The following CLIP1 variants were observed in gnomAD, a reference collection of about 807,000 sequenced individuals.
CLIP1 encodes the protein CAP-Gly domain-containing linker protein 1.
CLIP1 carries 66 observed loss-of-function variants against 161.6 expected under a neutral mutation model. That is an observed-to-expected ratio of 0.41 (90% CI 0.33 to 0.50). The LOEUF (loss-of-function observed/expected upper bound fraction) is 0.50, where lower values mean the gene tolerates loss of function less well. Ranked by LOEUF, CLIP1 falls within the 20% of genes least tolerant of loss-of-function variation. The pLI is 0.27. For synonymous variants in CLIP1, 598 were observed against 626.2 expected (o/e 0.96, Z 0.67); for missense variants, 1,376 against 1,702.0 (o/e 0.81, Z 3.37).
At chr12:122,363,486 G>T (rs1388381848) in intron 4 of CLIP1, among the ~76,000 whole-genome samples, 5 of 149,386 alleles carry the variant, frequency 3.3e-5, no homozygotes, top group African/African-American at 1.2e-4. Flanking sequence ...ACAGACAGAG[G>T]CCCTGTCTCA....
Position 122,391,850 on chromosome 12 carries a change from C to G in CLIP1, c.-106-11292G>C, listed in dbSNP as rs137904738. Among the ~76,000 whole-genome samples the G allele has an allele frequency of 2.3e-3, 354 of 152,310 alleles. 1 individual carries two copies. Among genetic ancestry groups the G allele is most frequent in the African/African-American group, 8.3e-3 (346 of 41,568 alleles). On this transcript the variant is annotated intron_variant, in intron 1 of 25. Transcript: ENST00000620786. ...GTTGGAACACCATTTGAATGCACCA[C>G]CACCAGTCCATACAAGAATCACAAA...
chr12:122,366,787 G>C (rs1027214233), intron 3 of CLIP1, among the ~76,000 whole-genome samples: 10 of 152,310 alleles, frequency 6.6e-5, no homozygotes, highest in African/African-American at 2.2e-4. Context: ...GTTGCAGTGA[G>C]CCAAGACTGT....
At chr12:122,382,924 TCA>T (rs1245524644) in intron 1 of CLIP1, among the ~76,000 whole-genome samples, 1 of 152,084 alleles carries the variant, frequency 6.6e-6, no homozygotes, top group East Asian at 1.9e-4. Flanking sequence ...TAGTTCTGAT[TCA>T]CAGTCAGGTT....
intron 5 of CLIP1, among the ~76,000 whole-genome samples, chr12:122,357,881 G>A (rs1475332718): frequency 4.0e-5 from 6 of 151,120 alleles, no homozygotes; most frequent in Admixed American, 1.3e-4. Flanking sequence ...CTGCTCGGCC[G>A]CCCCTACTGG....
At chr12:122,400,466 C>A (rs1956103763) in intron 1 of CLIP1, 1 of 152,184 alleles carries the variant, frequency 6.6e-6, no homozygotes, top group Admixed American at 6.5e-5. Flanking sequence ...TAGAGCCAGG[C>A]CCCATACGCT....
chr12:122,288,254 G>A (rs1440855478), intron 21 of CLIP1, among the ~76,000 whole-genome samples: 6 of 152,022 alleles, frequency 3.9e-5, no homozygotes, highest in Admixed American at 1.3e-4. Flanking sequence ...GGCTGGTGTC[G>A]AACTCGTGAT....
chr12:122,290,823 T>C lies in CLIP1; in HGVS notation c.3595-2282A>G, dbSNP rs188730990. Among the ~76,000 whole-genome samples, 326 of 152,122 alleles carry C rather than the reference T, an allele frequency of 2.1e-3. 4 individuals are homozygous for C. Among genetic ancestry groups the C allele is most frequent in the African/African-American group, 7.5e-3 (311 of 41,556 alleles). On this transcript the variant is annotated intron_variant, in intron 20 of 25. Coordinates refer to ENST00000620786, the MANE Select transcript of CLIP1 (RefSeq NM_001247997.2). ...CAGGATTATTACCCAATCTAGGAGA[T>C]AGCAAGCTGCATCTAGCAGTTTTAT...
intron 1 of CLIP1, among the ~76,000 whole-genome samples, chr12:122,392,144 G>A (rs775248664): frequency 2.0e-5 from 3 of 152,066 alleles, no homozygotes; most frequent in Non-Finnish European, 4.4e-5. Flanking sequence ...GGTGGATCAC[G>A]CCTATAGAGC....
chr12:122,319,490 C>A, intron 17 of CLIP1, 142 bp from the exon 18 acceptor site: 1 of 633,382 alleles, frequency 1.6e-6, no homozygotes, highest in East Asian at 2.7e-5. Context: ...AGTCACAATC[C>A]AGTGCTGAAA....
At chr12:122,343,687 T>G (rs1232374294) in intron 10 of CLIP1, 2 of 152,236 alleles carry the variant, frequency 1.3e-5, no homozygotes, top group Non-Finnish European at 2.9e-5. Flanking sequence ...TCCGGGATAG[T>G]ACCCAAGAAT....
rs1952129855 is a variant in CLIP1, at chr12:122,334,632, C to G, written c.2626+16G>C. On this transcript the variant is annotated intron_variant, in intron 13 of 25. Coordinates refer to ENST00000620786, the MANE Select transcript of CLIP1 (RefSeq NM_001247997.2). ...TATTTTTTAAAGCAATCTGCACACG[C>G]TCTGGTAAGACATACCTTGCATACT... The G allele has an allele frequency of 4.5e-6, 7 of 1,558,336 alleles. No homozygotes were observed. The highest frequency in any genetic ancestry group is 3.5e-5 in the South Asian group (3 of 85,736).
chr12:122,401,770 G>A (rs544685867), intron 1 of CLIP1, among the ~76,000 whole-genome samples: 3 of 152,050 alleles, frequency 2.0e-5, no homozygotes, highest in African/African-American at 7.2e-5. Flanking sequence ...AGGCCAAGGC[G>A]GGAGGATGAC....
intron 17 of CLIP1, among the ~76,000 whole-genome samples, chr12:122,326,186 G>A (rs1164083086): frequency 6.6e-6 from 1 of 152,230 alleles, no homozygotes; most frequent in Admixed American, 6.5e-5. Context: ...ACGTTTGGAG[G>A]GGAACAGTCC....
chr12:122,291,170 G>C (rs1167885899), intron 20 of CLIP1, among the ~76,000 whole-genome samples: 4 of 151,026 alleles, frequency 2.6e-5, no homozygotes, highest in Non-Finnish European at 5.9e-5. Flanking sequence ...TGGGATTACA[G>C]GTGTCAGCTT....
At chr12:122,327,570 C>A (rs905734498) in intron 17 of CLIP1, among the ~76,000 whole-genome samples, 1 of 151,934 alleles carries the variant, frequency 6.6e-6, no homozygotes, top group African/African-American at 2.4e-5. Context: ...CTTGCTTTAT[C>A]GCAACATCTC....
At chr12:122,317,278 A>G (rs1593050601) in intron 18 of CLIP1, among the ~76,000 whole-genome samples, 1 of 152,264 alleles carries the variant, frequency 6.6e-6, no homozygotes, top group Non-Finnish European at 1.5e-5. Context: ...GATTTAGGAT[A>G]CGATATTTTT....
intron 20 of CLIP1, among the ~76,000 whole-genome samples, chr12:122,301,413 A>G (rs1247902122): frequency 6.6e-6 from 1 of 152,326 alleles, no homozygotes; most frequent in East Asian, 1.9e-4. Context: ...GCTCATGCCT[A>G]TAATCCCAGT....
intron 15 of CLIP1, among the ~76,000 whole-genome samples, chr12:122,332,367 A>G (rs1952018882): frequency 6.6e-6 from 1 of 151,662 alleles, no homozygotes; most frequent in Admixed American, 6.6e-5. Flanking sequence ...ATCTATATAT[A>G]TTTTTAACTG....
At chr12:122,397,303 T>C (rs1243282231) in intron 1 of CLIP1, among the ~76,000 whole-genome samples, 1 of 123,746 alleles carries the variant, frequency 8.1e-6, no homozygotes, top group East Asian at 2.2e-4. Flanking sequence ...GACAACAGAA[T>C]CAAAAGATGG....
Sources: gnomAD v4.1 joint callset for allele counts (sites outside exome capture counted in the v4.1 genomes callset) on GRCh38, gnomAD v4.1.1 for gene constraint, MANE v1.5 for transcripts, NCBI Gene and HGNC (gene_info 2026-07-23, HGNC 2026-07-21) for gene names.